The following GATA3 variants were observed in gnomAD, a reference collection of about 807,000 sequenced individuals.
The protein encoded by GATA3 is trans-acting T-cell-specific transcription factor GATA-3.
In GATA3, 6 loss-of-function variants were observed where a neutral mutation model predicts 36.0. The ratio of observed to expected loss-of-function variants is 0.17; its 90% CI spans 0.09 to 0.33. GATA3 has a LOEUF of 0.33. Ranked by LOEUF, GATA3 falls within the 10% of genes least tolerant of loss-of-function variation. The pLI is 1.00. For missense variants in GATA3, 514 were observed against 610.1 expected, an observed-to-expected ratio of 0.84 and a Z score of 1.66; for synonymous variants, 326 against 273.0, an observed-to-expected ratio of 1.19 and a Z score of -1.92.
chr10:8,071,606 G>C (rs940899488), intron 5 of GATA3, among the ~76,000 whole-genome samples: 5 of 152,174 alleles, frequency 3.3e-5, no homozygotes, highest in Admixed American at 2.0e-4. Context: ...TCATGGCTGG[G>C]CTCCAGTGAA....
intron 3 of GATA3, among the ~76,000 whole-genome samples, chr10:8,062,400 T>C (rs1832764897): frequency 6.7e-6 from 1 of 148,992 alleles, no homozygotes; most frequent in Admixed American, 6.7e-5. Context: ...AGACAAAAAC[T>C]AGTGGGCACC....
intron 2 of GATA3, among the ~76,000 whole-genome samples, chr10:8,056,863 T>C (rs1224381208): frequency 6.6e-6 from 1 of 152,100 alleles, no homozygotes; most frequent in Non-Finnish European, 1.5e-5. Flanking sequence ...TCTAAGTTTG[T>C]TCCTAAAGAA....
intron 5 of GATA3, among the ~76,000 whole-genome samples, chr10:8,072,183 C>T (rs776934536): frequency 1.1e-4 from 17 of 152,162 alleles, no homozygotes; most frequent in Non-Finnish European, 1.9e-4. Context: ...CTCCAGGTGA[C>T]CTCTCCCAGC....
rs370022408 is a variant in GATA3, at chr10:8,063,325, A to G, written c.779-668A>G. Among the ~76,000 whole-genome samples, 100 of 152,262 alleles carry G rather than the reference A, an allele frequency of 6.6e-4. No individual in the cohort carries two copies. In the South Asian group the frequency reaches 0.017, roughly 26 times the overall value. On this transcript the variant is annotated intron_variant, in intron 3 of 5. Coordinates refer to ENST00000379328, the MANE Select transcript of GATA3 (RefSeq NM_001002295.2). ...ATACTTTAACTTCAGTCTCCGTAAC[A>G]GCGGCTGGAAAGCTATGGAAACCCC...
upstream of GATA3, among the ~76,000 whole-genome samples, chr10:8,051,931 A>T (rs971273484): frequency 1.3e-5 from 2 of 151,848 alleles, no homozygotes; most frequent in Admixed American, 1.3e-4. Context: ...GTGGGTCCCG[A>T]GGCCGACCTC....
chr10:8,055,393 T>G lies in GATA3; in HGVS notation c.-263T>G. ...CGCCCCTTTTTACAACCTGGTCCCG[T>G]TTTATTCTGCCGTACCCAGTTTTTG... On this transcript the variant is annotated 5_prime_UTR_variant, in exon 2 of 6. Coordinates refer to ENST00000379328, the MANE Select transcript of GATA3 (RefSeq NM_001002295.2). The surrounding 1 kb of genome is among the most constrained non-coding windows in gnomAD (Gnocchi z 5.4). 2.2e-5 allele frequency: 12 copies of G among 545,240 alleles called. No individual in the cohort carries two copies. Among genetic ancestry groups the G allele is most frequent in the East Asian group, 3.2e-5 (1 of 31,562 alleles). The allele number at this position is 545,240 out of a possible 1,614,324, so 33.8% of individuals were successfully genotyped here.
chr10:8,071,734 A>T (rs531938838), intron 5 of GATA3, among the ~76,000 whole-genome samples: 1 of 152,328 alleles, frequency 6.6e-6, no homozygotes, highest in South Asian at 2.1e-4. Context: ...ATAATCTATT[A>T]ACATTGTCAT....
At chr10:8,054,115 C>T (rs1832570010), upstream of GATA3, among the ~76,000 whole-genome samples, 1 of 152,202 alleles carries the variant, frequency 6.6e-6, no homozygotes, top group African/African-American at 2.4e-5. This position sits in a 1 kb window ranked among gnomAD's most constrained non-coding sequence, Gnocchi z 4.2. Context: ...GACTCACCCT[C>T]TTAGGAAGTC....
At chr10:8,057,186 C>T (rs947284747) in intron 2 of GATA3, among the ~76,000 whole-genome samples, 3 of 152,210 alleles carry the variant, frequency 2.0e-5, no homozygotes, top group African/African-American at 7.2e-5. Flanking sequence ...AACTCTCTTT[C>T]CCTCTCCACT....
At chr10:8,063,365 C>T (rs1236599900) in intron 3 of GATA3, among the ~76,000 whole-genome samples, 3 of 152,168 alleles carry the variant, frequency 2.0e-5, no homozygotes, top group Non-Finnish European at 2.9e-5. Flanking sequence ...GGGTCCTAAT[C>T]GCTTCCTTTC....
At chr10:8,054,369 T>A (rs1434709629), upstream of GATA3, among the ~76,000 whole-genome samples, 2 of 152,158 alleles carry the variant, frequency 1.3e-5, no homozygotes, top group African/African-American at 4.8e-5. This position sits in a 1 kb window ranked among gnomAD's most constrained non-coding sequence, Gnocchi z 4.2. Context: ...CCCGAATGAA[T>A]TGGCAGGAGC....
intron 5 of GATA3, among the ~76,000 whole-genome samples, chr10:8,072,024 C>T (rs1314606632): frequency 6.6e-6 from 1 of 152,162 alleles, no homozygotes; most frequent in Non-Finnish European, 1.5e-5. Flanking sequence ...CTGTAGGCTG[C>T]ATCTTTATCT....
rs772388081 is a variant in GATA3 at position 8,058,462 on chromosome 10, C to T, written c.399C>T (p.Tyr133=). Residue 133 remains tyrosine (Y), a synonymous_variant, in exon 3 of 6, where the codon TAC becomes TAT. Coordinates refer to ENST00000379328, the MANE Select transcript of GATA3 (RefSeq NM_001002295.2). The stretch of plus-strand genomic sequence containing the variant: ...GCTCCCCGGGGCCCCTCTCCGTCTA[C>T]CCCCCGGCCTCGTCCTCCTCCTTGT... ...HHGSPGPLSV[Y]PPASSSSLSG... 1 of 1,612,340 alleles carries T rather than the reference C, an allele frequency of 6.2e-7. No homozygotes were observed. Among genetic ancestry groups the T allele is most frequent in the African/African-American group, 1.3e-5 (1 of 75,042 alleles).
At position 8,055,130 on chromosome 10, in the gene GATA3, G is replaced by T. The variant is rs1010670508; in HGVS notation, c.-369-157G>T. Among the ~76,000 whole-genome samples, 5 of 152,002 alleles carry T rather than the reference G, an allele frequency of 3.3e-5. No homozygotes were observed. Among genetic ancestry groups the T allele is most frequent in the Non-Finnish European group, 4.4e-5 (3 of 67,948 alleles). ...AGCCCCGGCTCCCGCGAGCCGGGCTGCAGGGACGTCCCCGAGAGCCCTGCG... is the reference window on the plus strand; with the variant it reads ...AGCCCCGGCTCCCGCGAGCCGGGCTTCAGGGACGTCCCCGAGAGCCCTGCG... On this transcript the variant is annotated intron_variant, in intron 1 of 5. Coordinates refer to ENST00000379328, the MANE Select transcript of GATA3 (RefSeq NM_001002295.2). This position sits in a 1 kb window ranked among gnomAD's most constrained non-coding sequence, Gnocchi z 5.4.
chr10:8,046,704 C>T lies in GATA3; in HGVS notation c.-370+1189C>T, dbSNP rs907642732. On this transcript the variant is annotated intron_variant, in intron 1 of 1. Transcript: ENST00000643001. ...GTGTGTGTGTGTGTCAGGGGCTTAC[C>T]ATGACATGTTTGTGCCATTCAGAAG... Among the ~76,000 whole-genome samples the T allele has an allele frequency of 9.2e-5, 13 of 141,484 alleles. No individual in the cohort carries two copies. The East Asian group carries it at 2.0e-3, about 22-fold the overall frequency. The allele number at this position is 141,484 out of a possible 152,430, so 92.8% of individuals were successfully genotyped here. A position where few individuals can be genotyped will look rare whatever the true frequency, so the allele number is the denominator to read the frequency against.
upstream of GATA3, chr10:8,052,748 A>C (rs1191892215): frequency 6.6e-6 from 1 of 152,104 alleles, no homozygotes; most frequent in African/African-American, 2.4e-5. Flanking sequence ...AAATAATTAA[A>C]AGGTTTAGAG....
intron 3 of GATA3, 105 bp from the exon 4 acceptor site, chr10:8,063,888 A>G: frequency 3.3e-6 from 5 of 1,509,820 alleles, no homozygotes; most frequent in Non-Finnish European, 4.6e-6. Context: ...AGGAGGGAGA[A>G]GGAAAAAAGT....
intron 3 of GATA3, among the ~76,000 whole-genome samples, chr10:8,063,419 C>A (rs1014022494): frequency 6.6e-6 from 1 of 152,192 alleles, no homozygotes; most frequent in Non-Finnish European, 1.5e-5. Flanking sequence ...AAATCTAAAA[C>A]CCTAGCTAGT....
In GATA3 at chr10:8,066,604, A is replaced by G. The variant is rs149905922; in HGVS notation, c.924+2466A>G. On this transcript the variant is annotated intron_variant, in intron 4 of 5. Transcript: ENST00000379328. ...ATTCACTGAAGACCACCCAGCCCAT[A>G]TATAGCTAGCTCTTCTGTGAGATGT... is the stretch of plus-strand genomic sequence containing the variant. Among the ~76,000 whole-genome samples, 176 of 152,270 alleles carry G rather than the reference A, an allele frequency of 1.2e-3. 1 individual carries two copies. The highest frequency in any genetic ancestry group is 4.0e-3 in the African/African-American group (165 of 41,534).
Sources: allele counts gnomAD v4.1 joint callset (sites outside exome capture counted in the v4.1 genomes callset), GRCh38; gene constraint gnomAD v4.1.1; non-coding constraint Gnocchi (gnomAD v3.1); transcripts MANE v1.5; gene names NCBI Gene and HGNC (gene_info 2026-07-23, HGNC 2026-07-21).